The following PTPN21 variants were observed in gnomAD, a reference collection of about 807,000 sequenced individuals.
PTPN21 encodes the protein tyrosine-protein phosphatase non-receptor type 21.
PTPN21 carries 77 observed loss-of-function variants against 131.8 expected under a neutral mutation model. The ratio of observed to expected loss-of-function variants is 0.58; its 90% CI spans 0.49 to 0.71. The LOEUF is 0.71. PTPN21 is among the 30% of genes least tolerant of loss of function. The probability of loss-of-function intolerance (pLI) is 0.00; values close to 1 mark genes in which losing one functional copy is unlikely to be tolerated. For missense variants in PTPN21, 1,552 were observed against 1,527.1 expected (o/e 1.02, Z -0.27); for synonymous variants, 715 against 621.3 (o/e 1.15, Z -2.24).
intron 4 of PTPN21, 133 bp from the exon 5 acceptor site, chr14:88,505,504 A>C (rs1028784572): frequency 5.6e-6 from 3 of 536,846 alleles, no homozygotes; most frequent in Non-Finnish European, 9.7e-6. Context: ...ATAGCTATAT[A>C]AAGTATATTT....
rs755467770 is a variant in PTPN21 at position 88,478,994 on chromosome 14, A to T, written c.2437T>A (p.Ser813Thr). ...TCCGACACCGGCCTTTTCTTCAGAG[A>T]GTCCCTCCGGGCTCGGTAGCGGCCT... ...TSGRYRARRD[S>T]LKKRPVSDLL... Residue 813 changes from serine (S) to threonine (T), a missense_variant, in exon 13 of 19, where the codon TCT (serine) becomes ACT (threonine). Ser to Thr is a moderately conservative substitution (Grantham distance 58). Coordinates refer to ENST00000556564, the MANE Select transcript of PTPN21 (RefSeq NM_007039.4). 20 of 1,586,232 alleles carry T rather than the reference A, an allele frequency of 1.3e-5. No individual in the cohort carries two copies. In the African/African-American group the frequency reaches 1.5e-4, roughly 12 times the overall value.
chr14:88,503,756 T>G (rs1304451626), intron 6 of PTPN21: 1 of 152,202 alleles, frequency 6.6e-6, no homozygotes, highest in East Asian at 1.9e-4. Context: ...ATTTTCAACT[T>G]ACTATGGGTT....
intron 13 of PTPN21, among the ~76,000 whole-genome samples, chr14:88,474,514 C>A (rs762057481): frequency 1.3e-5 from 2 of 152,070 alleles, no homozygotes; most frequent in African/African-American, 2.4e-5. Context: ...TATATAAATT[C>A]TTTAAGTCAT....
At chr14:88,515,622 A>C (rs1342773249) in intron 3 of PTPN21, 1 of 152,168 alleles carries the variant, frequency 6.6e-6, no homozygotes, top group Non-Finnish European at 1.5e-5. Context: ...TCCCTCTAGA[A>C]CATTTCTAAA....
rs558617884 is a variant in PTPN21 at position 88,530,673 on chromosome 14, C to T, written c.181-13412G>A. Among the ~76,000 whole-genome samples the T allele has an allele frequency of 5.3e-5, 8 of 152,166 alleles. No individual in the cohort carries two copies. In the South Asian group the frequency reaches 1.7e-3, roughly 32 times the overall value. ...GGCGAATCAGGCTTTAAAGCAACGA[C>T]ACTTAAAAAAGACAAAGAGGGACAT... On this transcript the variant is annotated intron_variant, in intron 2 of 18. Transcript: ENST00000556564.
intron 2 of PTPN21, among the ~76,000 whole-genome samples, chr14:88,535,287 G>C (rs1451114648): frequency 2.0e-5 from 3 of 152,176 alleles, no homozygotes; most frequent in African/African-American, 7.2e-5. Context: ...ACACAACAAT[G>C]AAATTGCCTA....
intron 2 of PTPN21, among the ~76,000 whole-genome samples, chr14:88,539,935 A>G (rs780588154): frequency 6.6e-6 from 1 of 152,256 alleles, no homozygotes; most frequent in Non-Finnish European, 1.5e-5. Context: ...ATAAAAACAC[A>G]GGCGAATCAA....
chr14:88,543,785 C>G (rs2139358576), intron 2 of PTPN21, among the ~76,000 whole-genome samples: 1 of 152,286 alleles, frequency 6.6e-6, no homozygotes, highest in South Asian at 2.1e-4. Flanking sequence ...TTTTGCTAGA[C>G]TTTCATCTTC....
chr14:88,471,567 T>A (rs1307401393), intron 15 of PTPN21, among the ~76,000 whole-genome samples: 1 of 146,842 alleles, frequency 6.8e-6, no homozygotes, highest in Admixed American at 7.0e-5. Flanking sequence ...AATGGCATTA[T>A]ACTGGTTCCA....
At chr14:88,538,977 C>T (rs941933232) in intron 2 of PTPN21, among the ~76,000 whole-genome samples, 1 of 152,020 alleles carries the variant, frequency 6.6e-6, no homozygotes, top group African/African-American at 2.4e-5. Context: ...TTTTCTAGTC[C>T]CTTTAAACAG....
chr14:88,469,021 G>C lies in PTPN21; in HGVS notation c.3291C>G (p.Pro1097=). ...CCAACAACGGAGGGTTGGGGCTTTG[G>C]GGATCACTTGTGCTATTTGTATGGC... ...VRRHTNSTSD[P]QSPNPPLLVH... Residue 1097 remains proline, a synonymous_variant, in exon 18 of 19, where the codon CCC becomes CCG. Coordinates refer to ENST00000556564, the MANE Select transcript of PTPN21 (RefSeq NM_007039.4). This position sits in a 1 kb window ranked among gnomAD's most constrained non-coding sequence, Gnocchi z 4.3. The C allele has an allele frequency of 6.2e-7, 1 of 1,614,114 alleles. No individual in the cohort carries two copies.
chr14:88,541,905 G>C lies in PTPN21; in HGVS notation c.180+8333C>G, dbSNP rs1315711697. Reference sequence around the variant, plus strand: ...CTGCTCTGTGACAAGGGGAGAAAAAGGGAAAGACTGCCTTAACCAGGAAGC... The same window carrying C: ...CTGCTCTGTGACAAGGGGAGAAAAACGGAAAGACTGCCTTAACCAGGAAGC... On this transcript the variant is annotated intron_variant, in intron 2 of 18. Coordinates refer to ENST00000556564, the MANE Select transcript of PTPN21 (RefSeq NM_007039.4). 2.6e-5 allele frequency among the ~76,000 whole-genome samples: 4 copies of C among 152,180 alleles called. No homozygotes were observed. The East Asian group carries it at 5.8e-4, about 22-fold the overall frequency.
chr14:88,535,117 C>T (rs935422220), intron 2 of PTPN21, among the ~76,000 whole-genome samples: 1 of 152,054 alleles, frequency 6.6e-6, no homozygotes, highest in African/African-American at 2.4e-5. Context: ...TGTTTAAGTA[C>T]ACAAATACTC....
chr14:88,548,180 T>C (rs952954614), intron 2 of PTPN21, among the ~76,000 whole-genome samples: 3 of 152,174 alleles, frequency 2.0e-5, no homozygotes, highest in Non-Finnish European at 4.4e-5. Flanking sequence ...CATCTGTACC[T>C]GAACCACTCC....
intron 3 of PTPN21, among the ~76,000 whole-genome samples, chr14:88,514,468 TC>T (rs1248491816): frequency 6.7e-6 from 1 of 148,754 alleles, no homozygotes; most frequent in Non-Finnish European, 1.5e-5. Flanking sequence ...TTTTCTTTTT[TC>T]TTTTTTTTTT....
rs2077611165 is a variant in PTPN21, at chr14:88,479,669, TGATGTAA to T, written c.1755_1761del (p.Tyr586AlafsTer106). On this transcript the variant is annotated frameshift_variant, in exon 13 of 19. Coordinates refer to ENST00000556564, the MANE Select transcript of PTPN21 (RefSeq NM_007039.4). LOFTEE classifies it high-confidence loss of function. ...GTGATGAGGTCGGGGTTGCTGCTGC[TGATGTAA>T]AGGTGGCGGGACAGGTCTGGCGTGC... The T allele has an allele frequency of 6.6e-7, 1 of 1,516,642 alleles. No homozygotes were observed. The highest frequency in any genetic ancestry group is 2.1e-5 in the Admixed American group (1 of 47,976). The allele number at this position is 1,516,642 out of a possible 1,614,324, so 93.9% of individuals were successfully genotyped here.
Position 88,469,442 on chromosome 14 carries a change from T to A in PTPN21, c.3235+57A>T, listed in dbSNP as rs1179118492. ...AATATTTCGGAAACATAAATGTTCCTCTCTGTTTAACACCTCCAGAGGCAG... is the reference window on the plus strand; with the variant it reads ...AATATTTCGGAAACATAAATGTTCCACTCTGTTTAACACCTCCAGAGGCAG... On this transcript the variant is annotated intron_variant, in intron 17 of 18. Coordinates refer to ENST00000556564, the MANE Select transcript of PTPN21 (RefSeq NM_007039.4). This position sits in a 1 kb window ranked among gnomAD's most constrained non-coding sequence, Gnocchi z 4.3. The A allele has an allele frequency of 1.4e-6, 2 of 1,388,912 alleles. No homozygotes were observed. The highest frequency in any genetic ancestry group is 4.6e-5 in the East Asian group (2 of 43,776). The allele number at this position is 1,388,912 out of a possible 1,614,324, so 86.0% of individuals were successfully genotyped here.
intron 2 of PTPN21, among the ~76,000 whole-genome samples, chr14:88,518,386 G>GTGTGTGTATATATA (rs1259300832): frequency 6.2e-4 from 6 of 9,706 alleles, no homozygotes; most frequent in African/African-American, 1.2e-3. Flanking sequence ...GTGTGTGTGT[G>GTGTGTGTATATATA]TATATATATA....
Position 88,554,966 on chromosome 14 carries a change from GGGACGCGCGGCC to G in PTPN21, c.-530_-519del. ...GACGGACAGACCGTCGGACCGACGC[GGGACGCGCGGCC>G]GGAGCAGCGGGGCGGCCGGGCCCAG... is the stretch of plus-strand genomic sequence containing the variant. On this transcript the variant is annotated 5_prime_UTR_variant, in exon 1 of 19. Coordinates refer to ENST00000556564, the MANE Select transcript of PTPN21 (RefSeq NM_007039.4). Among the ~76,000 whole-genome samples the G allele has an allele frequency of 6.6e-6, 1 of 151,368 alleles. No homozygotes were observed.
Sources: allele counts gnomAD v4.1 joint callset (sites outside exome capture counted in the v4.1 genomes callset), GRCh38; gene constraint gnomAD v4.1.1; non-coding constraint Gnocchi (gnomAD v3.1); transcripts MANE v1.5; gene names NCBI Gene and HGNC (gene_info 2026-07-23, HGNC 2026-07-21).